The following NFIL3 variants were observed in gnomAD, a reference collection of about 807,000 sequenced individuals.
The protein encoded by NFIL3 is nuclear factor, interleukin 3 regulated.
A neutral mutation model predicts 10.0 loss-of-function variants in NFIL3; 5 were observed. That is an observed-to-expected ratio of 0.50 (90% CI 0.26 to 1.06). The LOEUF (loss-of-function observed/expected upper bound fraction) is 1.06. NFIL3 is among the 50% of genes least tolerant of loss of function. The pLI, the probability that NFIL3 is intolerant of heterozygous loss-of-function variation, is 0.13. For synonymous variants in NFIL3, 202 were observed against 206.5 expected, an observed-to-expected ratio of 0.98 and a Z score of 0.19; for missense variants, 436 against 547.6, an observed-to-expected ratio of 0.80 and a Z score of 2.03.
At chr9:91,458,272 A>C in the NFIL3 span, among the ~76,000 whole-genome samples, 1 of 151,998 alleles carries the variant, frequency 6.6e-6, no homozygotes, top group Non-Finnish European at 1.5e-5. Flanking sequence ...TTTATCCTGG[A>C]GTTTTCTTTG....
At chr9:91,434,010 G>A in the NFIL3 span, among the ~76,000 whole-genome samples, 1 of 152,016 alleles carries the variant, frequency 6.6e-6, no homozygotes, top group African/African-American at 2.4e-5. Flanking sequence ...TAAAAAAATT[G>A]AATATATTTC....
the NFIL3 span, among the ~76,000 whole-genome samples, chr9:91,429,395 C>T: frequency 6.6e-6 from 1 of 152,134 alleles, no homozygotes; most frequent in Non-Finnish European, 1.5e-5. Context: ...GCATATATTG[C>T]AGAAAAGAAA....
chr9:91,434,219 A>G, the NFIL3 span, among the ~76,000 whole-genome samples: 117 of 152,336 alleles, frequency 7.7e-4, no homozygotes, highest in African/African-American at 2.8e-3. Context: ...GATTGAGACC[A>G]GTCTGCACAA....
At chr9:91,465,881 A>G in the NFIL3 span, among the ~76,000 whole-genome samples, 1 of 152,012 alleles carries the variant, frequency 6.6e-6, no homozygotes, top group Non-Finnish European at 1.5e-5. Context: ...TTTCATAAGT[A>G]CTTTTCTTTA....
the NFIL3 span, among the ~76,000 whole-genome samples, chr9:91,466,377 G>C: frequency 6.6e-6 from 1 of 152,216 alleles, no homozygotes; most frequent in South Asian, 2.1e-4. Context: ...AATACAGAAT[G>C]GTAGTGGATG....
the NFIL3 span, among the ~76,000 whole-genome samples, chr9:91,459,827 C>CA: frequency 6.6e-6 from 1 of 152,034 alleles, no homozygotes; most frequent in African/African-American, 2.4e-5. Flanking sequence ...ATACAGTGCT[C>CA]AATGAATGTA....
At chr9:91,418,852 GGT>G (rs1833706314) in intron 1 of NFIL3, among the ~76,000 whole-genome samples, 1 of 78,916 alleles carries the variant, frequency 1.3e-5, no homozygotes, top group African/African-American at 5.7e-5. Flanking sequence ...AACAGTTTTG[GGT>G]GTTTTTTTTT....
In NFIL3 at chr9:91,410,854, T is replaced by C. The variant is rs370753180; in HGVS notation, c.-120A>G. ...ATATTCTTCCTTTTGTTCTACCGTC[T>C]GGGATAAATCCGTCAGGCTCCTTAT... On this transcript the variant is annotated 5_prime_UTR_variant, in exon 2 of 2. Transcript: ENST00000297689. The surrounding 1 kb of genome is among the most constrained non-coding windows in gnomAD (Gnocchi z 5.7). The C allele has an allele frequency of 1.9e-5, 21 of 1,103,654 alleles. No individual in the cohort carries two copies. The African/African-American group carries it at 2.8e-4, about 15-fold the overall frequency. 68.4% of individuals were successfully genotyped at this position (1,103,654 alleles called of 1,614,324 possible). A position where few individuals can be genotyped will look rare whatever the true frequency, so the allele number is the denominator to read the frequency against.
At chr9:91,438,556 T>A in the NFIL3 span, among the ~76,000 whole-genome samples, 2 of 152,284 alleles carry the variant, frequency 1.3e-5, no homozygotes, top group South Asian at 4.1e-4. Flanking sequence ...GAGCTTTTGG[T>A]GTAATTAGGG....
chr9:91,460,093 C>A, the NFIL3 span, among the ~76,000 whole-genome samples: 1 of 151,816 alleles, frequency 6.6e-6, no homozygotes, highest in Admixed American at 6.6e-5. Context: ...ACCTCTCTCC[C>A]CAGCCACCCC....
chr9:91,444,783 G>A, the NFIL3 span, among the ~76,000 whole-genome samples: 1 of 152,168 alleles, frequency 6.6e-6, no homozygotes. Flanking sequence ...TATGTTATTA[G>A]GATTCTTGGT....
chr9:91,421,772 G>A (rs1011520431), intron 1 of NFIL3, among the ~76,000 whole-genome samples: 9 of 152,114 alleles, frequency 5.9e-5, no homozygotes, highest in African/African-American at 1.7e-4. Flanking sequence ...CAATTATTTG[G>A]GGTAATATAC....
chr9:91,448,683 C>T, the NFIL3 span, among the ~76,000 whole-genome samples: 2 of 152,156 alleles, frequency 1.3e-5, no homozygotes, highest in Non-Finnish European at 2.9e-5. Context: ...AGTCTTCTAA[C>T]TTCATTATAT....
the NFIL3 span, among the ~76,000 whole-genome samples, chr9:91,457,924 A>C: frequency 0.03 from 4,593 of 152,078 alleles, 96 homozygotes; most frequent in East Asian, 0.093. Flanking sequence ...TCTTGAGATG[A>C]TCATACAGTT....
intron 1 of NFIL3, 72 bp downstream of exon 1, chr9:91,423,568 C>CCGCA (rs1833814106): frequency 6.7e-6 from 1 of 148,372 alleles, no homozygotes; most frequent in Non-Finnish European, 1.5e-5. Flanking sequence ...CACCCCGCGC[C>CCGCA]CGCCCGCCCG....
the NFIL3 span, among the ~76,000 whole-genome samples, chr9:91,480,083 G>C: frequency 4.2e-5 from 4 of 95,486 alleles, no homozygotes; most frequent in Non-Finnish European, 9.5e-5. Context: ...CTGCAGACTG[G>C]AGCTGTTCCT....
chr9:91,421,808 A>G (rs532395910), intron 1 of NFIL3, among the ~76,000 whole-genome samples: 3 of 151,978 alleles, frequency 2.0e-5, no homozygotes, highest in Admixed American at 1.3e-4. Context: ...TCCACCCCCC[A>G]CCTCCCACAA....
chr9:91,430,827 G>A, the NFIL3 span, among the ~76,000 whole-genome samples: 3 of 152,172 alleles, frequency 2.0e-5, no homozygotes, highest in African/African-American at 7.2e-5. Flanking sequence ...AAAACATTTT[G>A]TAGAGGCAGG....
chr9:91,437,534 A>G, the NFIL3 span, among the ~76,000 whole-genome samples: 3 of 152,210 alleles, frequency 2.0e-5, no homozygotes, highest in African/African-American at 7.2e-5. Flanking sequence ...AAGTCTACTC[A>G]TTTAGCAGGA....
Sources: gnomAD v4.1 joint callset for allele counts (sites outside exome capture counted in the v4.1 genomes callset) on GRCh38, gnomAD v4.1.1 for gene constraint, Gnocchi (gnomAD v3.1) non-coding constraint, MANE v1.5 for transcripts, NCBI Gene and HGNC (gene_info 2026-07-23, HGNC 2026-07-21) for gene names.